DACH1: variants seen among roughly 807,000 people sequenced by gnomAD.
DACH1 encodes the protein dachshund family transcription factor 1.
In DACH1, 12 loss-of-function variants were observed where a neutral mutation model predicts 54.2. That is an observed-to-expected ratio of 0.22 (90% confidence interval 0.14 to 0.36). The LOEUF is 0.36. Ranked by LOEUF, DACH1 falls within the 10% of genes least tolerant of loss-of-function variation. The pLI is 1.00. For missense variants in DACH1, 805 were observed against 929.8 expected, an observed-to-expected ratio of 0.87 and a Z score of 1.75; for synonymous variants, 386 against 366.2, an observed-to-expected ratio of 1.05 and a Z score of -0.62.
chr13:71,542,647 A>T (rs1189678050), intron 6 of DACH1, among the ~76,000 whole-genome samples: 1 of 152,122 alleles, frequency 6.6e-6, no homozygotes, highest in Non-Finnish European at 1.5e-5. Flanking sequence ...CACTGCCATG[A>T]TTTCCAGAAC....
chr13:71,582,151 T>C (rs1349603657), intron 3 of DACH1, among the ~76,000 whole-genome samples: 2 of 152,246 alleles, frequency 1.3e-5, no homozygotes, highest in Admixed American at 6.5e-5. Context: ...ATAAACCAAA[T>C]TGCATAATGT....
chr13:71,476,372 G>A (rs1445924294), intron 8 of DACH1, among the ~76,000 whole-genome samples: 1 of 152,038 alleles, frequency 6.6e-6, no homozygotes, highest in African/African-American at 2.4e-5. Flanking sequence ...TAAAATTTTA[G>A]GAAATGTAAT....
chr13:71,850,101 T>C (rs1327485200), intron 1 of DACH1, among the ~76,000 whole-genome samples: 1 of 152,218 alleles, frequency 6.6e-6, no homozygotes, highest in South Asian at 2.1e-4. Flanking sequence ...TTTCCTATAA[T>C]ATGTTGGGGA....
At chr13:71,648,790 A>T (rs1474227908) in intron 2 of DACH1, among the ~76,000 whole-genome samples, 3 of 152,130 alleles carry the variant, frequency 2.0e-5, no homozygotes, top group Non-Finnish European at 2.9e-5. Flanking sequence ...AAGGTATGGT[A>T]TAGAGGTGTT....
At chr13:71,812,237 A>G (rs1477177020) in intron 1 of DACH1, among the ~76,000 whole-genome samples, 1 of 152,204 alleles carries the variant, frequency 6.6e-6, no homozygotes, top group African/African-American at 2.4e-5. Flanking sequence ...ATATAAATTG[A>G]ACTGTCCATG....
chr13:71,475,256 T>C (rs2138172193), intron 9 of DACH1, 47 bp from the exon 10 acceptor site: 3 of 1,461,374 alleles, frequency 2.1e-6, no homozygotes, highest in Non-Finnish European at 2.9e-6. Context: ...ATTTGATTCC[T>C]ATTGTCCTTT....
intron 1 of DACH1, among the ~76,000 whole-genome samples, chr13:71,802,094 G>T (rs1887311024): frequency 6.6e-6 from 1 of 151,992 alleles, no homozygotes; most frequent in Admixed American, 6.6e-5. Context: ...GTTCAGTCAG[G>T]GCTAGATCCT....
chr13:71,561,648 A>C (rs2138386971), intron 4 of DACH1, among the ~76,000 whole-genome samples: 1 of 152,222 alleles, frequency 6.6e-6, no homozygotes, highest in South Asian at 2.1e-4. Flanking sequence ...GTTTTAAGGT[A>C]CCCAGTTTCT....
intron 2 of DACH1, among the ~76,000 whole-genome samples, chr13:71,678,376 T>A (rs1880693328): frequency 1.3e-5 from 2 of 152,222 alleles, no homozygotes; most frequent in East Asian, 3.9e-4. Flanking sequence ...AAATCTAAAC[T>A]TCTGCATCTA....
In DACH1 at chr13:71,640,096, C is replaced by T. The variant is rs183464610; in HGVS notation, c.965-9379G>A. Reference sequence around the variant, plus strand: ...AAATAATCACAGAGTAATCCCAATTCGCCTTACTCCCAGTTCAGCACTGAC... The same window carrying T: ...AAATAATCACAGAGTAATCCCAATTTGCCTTACTCCCAGTTCAGCACTGAC... On this transcript the variant is annotated intron_variant, in intron 2 of 10. Coordinates refer to ENST00000613252, the MANE Select transcript of DACH1 (RefSeq NM_080759.6). 3.7e-3 allele frequency among the ~76,000 whole-genome samples: 563 copies of T among 152,036 alleles called. 8 individuals carry two copies. Among genetic ancestry groups the T allele is most frequent in the Non-Finnish European group, 2.8e-3 (191 of 67,900 alleles).
intron 10 of DACH1, among the ~76,000 whole-genome samples, chr13:71,450,927 C>A (rs1874980664): frequency 6.6e-6 from 1 of 152,056 alleles, no homozygotes; most frequent in African/African-American, 2.4e-5. Context: ...CAAGGATCTG[C>A]CCCAAATGGG....
At chr13:71,533,047 A>T (rs1234381100) in intron 6 of DACH1, among the ~76,000 whole-genome samples, 8 of 151,900 alleles carry the variant, frequency 5.3e-5, no homozygotes, top group Admixed American at 5.3e-4. Flanking sequence ...TTGTACCGAT[A>T]AACCACTTTA....
chr13:71,684,458 C>T (rs1436706285), intron 1 of DACH1, among the ~76,000 whole-genome samples: 1 of 152,080 alleles, frequency 6.6e-6, no homozygotes, highest in East Asian at 1.9e-4. Context: ...TCCTGAGTGG[C>T]TCTGGTCTCC....
chr13:71,545,629 A>G (rs1883418073), intron 6 of DACH1, among the ~76,000 whole-genome samples: 1 of 151,922 alleles, frequency 6.6e-6, no homozygotes, highest in African/African-American at 2.4e-5. Flanking sequence ...TGAAACATTC[A>G]ACTAATTAAT....
At chr13:71,577,121 A>AC (rs1373015458) in intron 3 of DACH1, among the ~76,000 whole-genome samples, 1 of 151,726 alleles carries the variant, frequency 6.6e-6, no homozygotes, top group Non-Finnish European at 1.5e-5. Flanking sequence ...AGCTCCTTAA[A>AC]CTCCCATTGC....
chr13:71,564,149 G>C (rs1884762924), intron 4 of DACH1, among the ~76,000 whole-genome samples: 1 of 151,966 alleles, frequency 6.6e-6, no homozygotes, highest in Non-Finnish European at 1.5e-5. Flanking sequence ...ATAAAGAATT[G>C]CTTAGGAGGG....
chr13:71,562,660 G>T (rs572682713), intron 4 of DACH1, among the ~76,000 whole-genome samples: 1 of 151,976 alleles, frequency 6.6e-6, no homozygotes, highest in Non-Finnish European at 1.5e-5. Flanking sequence ...CTTCTAAAAC[G>T]TCTAAGGCAA....
At chr13:71,642,137 C>T (rs553716313) in intron 2 of DACH1, among the ~76,000 whole-genome samples, 77 of 152,260 alleles carry the variant, frequency 5.1e-4, no homozygotes, top group South Asian at 1.0e-3. Context: ...ATTTTAGACG[C>T]AATGTCTGTA....
At chr13:71,826,194 T>C (rs1888373067) in intron 1 of DACH1, among the ~76,000 whole-genome samples, 1 of 152,134 alleles carries the variant, frequency 6.6e-6, no homozygotes, top group Admixed American at 6.6e-5. Flanking sequence ...ATTTGCCAAC[T>C]TTATCATTTC....
Sources: gnomAD v4.1 joint callset for allele counts (sites outside exome capture counted in the v4.1 genomes callset) on GRCh38, gnomAD v4.1.1 for gene constraint, MANE v1.5 for transcripts, NCBI Gene and HGNC (gene_info 2026-07-23, HGNC 2026-07-21) for gene names.